Variants in HPF1 observed in about 807,000 individuals in gnomAD.
HPF1 encodes the protein UPF0609 protein C4orf27.
In HPF1, 35 loss-of-function variants were observed where a neutral mutation model predicts 38.8. The observed-to-expected ratio is 0.90, with a 90% CI of 0.69 to 1.19. HPF1 has a LOEUF of 1.19. Ranked by LOEUF, HPF1 falls within the 50% of genes most tolerant of loss-of-function variation. The probability of loss-of-function intolerance (pLI) is 0.00; values close to 1 mark genes in which losing one functional copy is unlikely to be tolerated. For missense variants in HPF1, 367 were observed against 405.8 expected, an observed-to-expected ratio of 0.90 and a Z score of 0.82; for synonymous variants, 115 against 139.2, an observed-to-expected ratio of 0.83 and a Z score of 1.22.
chr4:169,733,721 C>A lies in HPF1; in HGVS notation c.737-1845G>T, dbSNP rs547866327. Among the ~76,000 whole-genome samples, 5 of 152,126 alleles carry A rather than the reference C, an allele frequency of 3.3e-5. No homozygotes were observed. In the South Asian group the frequency reaches 1.0e-3, roughly 32 times the overall value. On this transcript the variant is annotated intron_variant, in intron 6 of 7. Coordinates refer to ENST00000393381, the MANE Select transcript of HPF1 (RefSeq NM_017867.3). ...GACCAGCCTGGGCAATGTGGTGAGA[C>A]CCTGTCTCTACAAAAAATAGAGAAA...
intron 4 of HPF1, 52 bp from the exon 5 acceptor site, chr4:169,742,159 C>CAAAG (rs777240983): frequency 3.9e-6 from 6 of 1,528,770 alleles, no homozygotes; most frequent in Non-Finnish European, 5.3e-6. Flanking sequence ...GTACTAAGTA[C>CAAAG]AAAGACCTTT....
intron 4 of HPF1, among the ~76,000 whole-genome samples, chr4:169,742,987 G>A (rs1466588580): frequency 6.6e-6 from 1 of 151,358 alleles, no homozygotes; most frequent in African/African-American, 2.4e-5. Flanking sequence ...TGTATTCACA[G>A]CTACCCGGGA....
chr4:169,750,846 G>T, intron 2 of HPF1, 121 bp from the exon 3 acceptor site: 1 of 684,668 alleles, frequency 1.5e-6, no homozygotes, highest in Non-Finnish European at 2.4e-6. Context: ...AAAATCTTGA[G>T]TTATGTGTGA....
At chr4:169,738,973 A>G (rs1581315464) in intron 5 of HPF1, among the ~76,000 whole-genome samples, 1 of 140,778 alleles carries the variant, frequency 7.1e-6, no homozygotes, top group East Asian at 2.4e-4. Context: ...GGAACATCAC[A>G]CACTGGGGCC....
At chr4:169,744,179 TCAAGTACCCTGTGC>T in intron 4 of HPF1, among the ~76,000 whole-genome samples, 1 of 152,206 alleles carries the variant, frequency 6.6e-6, no homozygotes, top group East Asian at 1.9e-4. Context: ...ATATAGCCAT[TCAAGTACCCTGTGC>T]CACGTATTTT....
At chr4:169,741,917 A>G (rs755318302) in intron 5 of HPF1, 40 bp downstream of exon 5, 28 of 1,573,542 alleles carry the variant, frequency 1.8e-5, no homozygotes, top group Non-Finnish European at 2.4e-5. Context: ...GGAAAAAAAT[A>G]TGCTATAGCA....
At chr4:169,740,248 G>T (rs755970429) in intron 5 of HPF1, among the ~76,000 whole-genome samples, 1 of 152,132 alleles carries the variant, frequency 6.6e-6, no homozygotes, top group Non-Finnish European at 1.5e-5. Flanking sequence ...ATGAAGTTGG[G>T]TTTTACATGT....
chr4:169,742,947 A>G (rs1733994527), intron 4 of HPF1, among the ~76,000 whole-genome samples: 1 of 151,596 alleles, frequency 6.6e-6, no homozygotes, highest in Non-Finnish European at 1.5e-5. Context: ...CCAAAAATAC[A>G]AAAATTAGCT....
intron 4 of HPF1, among the ~76,000 whole-genome samples, chr4:169,744,302 C>A (rs972735335): frequency 2.6e-5 from 4 of 152,192 alleles, no homozygotes; most frequent in African/African-American, 9.7e-5. Context: ...CATAAAATAT[C>A]CTCTTTTACC....
At chr4:169,755,581 G>A (rs1734178675) in intron 1 of HPF1, among the ~76,000 whole-genome samples, 1 of 152,126 alleles carries the variant, frequency 6.6e-6, no homozygotes, top group Non-Finnish European at 1.5e-5. Context: ...CTAAGGTCCT[G>A]GAACCAATCT....
At position 169,734,299 on chromosome 4, in the gene HPF1, G is replaced by A. The variant is rs561145473; in HGVS notation, c.737-2423C>T. 4.6e-5 allele frequency among the ~76,000 whole-genome samples: 7 copies of A among 152,260 alleles called. No homozygotes were observed. In the South Asian group the frequency reaches 1.5e-3, roughly 32 times the overall value. On this transcript the variant is annotated intron_variant, in intron 6 of 7. Transcript: ENST00000393381. ...TAAGTGGTTCCTCCCTGTTATCGTG[G>A]GTGTAACTGATTGACTGGGACCCTT...
chr4:169,755,744 A>C (rs1178219541), intron 1 of HPF1, among the ~76,000 whole-genome samples: 1 of 152,242 alleles, frequency 6.6e-6, no homozygotes, highest in Non-Finnish European at 1.5e-5. Flanking sequence ...TTAGGTATAC[A>C]CTCATGGGAG....
At chr4:169,747,001 A>AC (rs1734058035) in intron 4 of HPF1, among the ~76,000 whole-genome samples, 1 of 144,466 alleles carries the variant, frequency 6.9e-6, no homozygotes, top group Admixed American at 6.7e-5. Context: ...TTAAAAAAAA[A>AC]AAAAAACATG....
intron 6 of HPF1, among the ~76,000 whole-genome samples, chr4:169,733,164 A>G (rs1733851326): frequency 6.6e-6 from 1 of 152,244 alleles, no homozygotes; most frequent in African/African-American, 2.4e-5. Context: ...CCAAATTGGG[A>G]GAAGAGTAGG....
chr4:169,732,894 C>T (rs1348599192), intron 6 of HPF1, among the ~76,000 whole-genome samples: 3 of 152,118 alleles, frequency 2.0e-5, no homozygotes, highest in Non-Finnish European at 4.4e-5. Context: ...GGAGGATGTG[C>T]GTAAGTTATG....
Position 169,757,810 on chromosome 4 carries a change from C to A in HPF1, c.48+20G>T. On this transcript the variant is annotated intron_variant, in intron 1 of 7. Coordinates refer to ENST00000393381, the MANE Select transcript of HPF1 (RefSeq NM_017867.3). ...CACCCAAAGCGCCCCGCGTAGCCCG[C>A]ACAGCCTTTCCGGCAGTACCTGCGG... 3 of 1,557,878 alleles carry A rather than the reference C, an allele frequency of 1.9e-6. No individual in the cohort carries two copies. The highest frequency in any genetic ancestry group is 2.6e-6 in the Non-Finnish European group (3 of 1,158,344).
chr4:169,753,307 T>A (rs1411735740), intron 2 of HPF1, among the ~76,000 whole-genome samples: 1 of 151,928 alleles, frequency 6.6e-6, no homozygotes, highest in Non-Finnish European at 1.5e-5. Flanking sequence ...GTGCTGGGAT[T>A]ACAGGCATAA....
intron 5 of HPF1, 145 bp downstream of exon 5, chr4:169,741,812 G>A (rs1174510689): frequency 1.5e-6 from 1 of 655,118 alleles, no homozygotes; most frequent in Non-Finnish European, 2.5e-6. Context: ...CTCTTTCAGT[G>A]CCATCCTCCT....
At chr4:169,756,977 CAGTT>C (rs961865751) in intron 1 of HPF1, among the ~76,000 whole-genome samples, 84 of 152,336 alleles carry the variant, frequency 5.5e-4, no homozygotes, top group African/African-American at 1.8e-3. Flanking sequence ...GGCCCTTTAA[CAGTT>C]AGTTAAGCCC....
Sources: gnomAD v4.1 joint callset for allele counts (sites outside exome capture counted in the v4.1 genomes callset) on GRCh38, gnomAD v4.1.1 for gene constraint, MANE v1.5 for transcripts, NCBI Gene and HGNC (gene_info 2026-07-23, HGNC 2026-07-21) for gene names.